Variants in GRM1 observed in about 807,000 individuals in gnomAD.
GRM1 encodes metabotropic glutamate receptor 1.
A neutral mutation model predicts 90.9 loss-of-function variants in GRM1; 33 were observed. That is an observed-to-expected ratio of 0.36 (90% CI 0.28 to 0.49). The LOEUF (loss-of-function observed/expected upper bound fraction) is 0.49, where lower values mean the gene tolerates loss of function less well. GRM1 is among the 20% of genes least tolerant of loss of function. The pLI is 0.99. For missense variants in GRM1, 1,190 were observed against 1,534.3 expected (o/e 0.78, Z 3.75); for synonymous variants, 700 against 613.2 (o/e 1.14, Z -2.09).
Position 146,434,712 on chromosome 6 carries a change from C to T in GRM1, c.3501C>T (p.Ser1167=), listed in dbSNP as rs746094718. The change falls in exon 8 of 8, where the codon TCC becomes TCT. Residue 1167 remains serine (S), a synonymous_variant. Transcript: ENST00000282753. Reference sequence around the variant, plus strand: ...GCTCGGTGCCCAGCTCCCCCGTGTCCGAGTCGGTGCTCTGCACCCCTCCCA... The same window carrying T: ...GCTCGGTGCCCAGCTCCCCCGTGTCTGAGTCGGTGCTCTGCACCCCTCCCA... ...SGSSVPSSPV[S]ESVLCTPPNV... is the part of the protein sequence containing the mutation. 7.5e-6 allele frequency: 12 copies of T among 1,602,396 alleles called. No homozygotes were observed. The highest frequency in any genetic ancestry group is 1.1e-5 in the South Asian group (1 of 91,080).
At chr6:146,328,990 G>A (rs911586655) in intron 3 of GRM1, among the ~76,000 whole-genome samples, 1 of 152,130 alleles carries the variant, frequency 6.6e-6, no homozygotes, top group Non-Finnish European at 1.5e-5. Context: ...GTAAGTAAAT[G>A]CCACTAGTGT....
At chr6:146,272,157 A>C (rs1317181190) in intron 2 of GRM1, among the ~76,000 whole-genome samples, 1 of 152,188 alleles carries the variant, frequency 6.6e-6, no homozygotes, top group Non-Finnish European at 1.5e-5. Flanking sequence ...TATTTTCTGT[A>C]ATTAGAAAAG....
At chr6:146,167,943 A>C (rs1777969257) in intron 2 of GRM1, among the ~76,000 whole-genome samples, 1 of 152,022 alleles carries the variant, frequency 6.6e-6, no homozygotes, top group Non-Finnish European at 1.5e-5. Flanking sequence ...TGTTCTATCA[A>C]AAATATTTTA....
At chr6:146,107,698 G>A (rs1364992413) in intron 1 of GRM1, among the ~76,000 whole-genome samples, 1 of 152,064 alleles carries the variant, frequency 6.6e-6, no homozygotes, top group African/African-American at 2.4e-5. Context: ...GGTAAGTTTG[G>A]GGAAAATGCA....
At chr6:146,304,589 C>A (rs1180677195) in intron 2 of GRM1, 22 bp from the exon 3 acceptor site, 1 of 1,487,590 alleles carries the variant, frequency 6.7e-7, no homozygotes, top group Admixed American at 1.7e-5. Context: ...TCTCTCCCTA[C>A]CCCAATCCCT....
intron 2 of GRM1, among the ~76,000 whole-genome samples, chr6:146,260,229 C>G (rs756250943): frequency 9.9e-5 from 15 of 151,890 alleles, no homozygotes; most frequent in Non-Finnish European, 2.1e-4. Context: ...TCAATTCCCA[C>G]TTATGAGTGA....
In GRM1 at chr6:146,388,443, T is replaced by A. The variant is rs1484205366; in HGVS notation, c.1729+1427T>A. Among the ~76,000 whole-genome samples the A allele has an allele frequency of 9.9e-5, 15 of 152,068 alleles. No individual in the cohort carries two copies. The East Asian group carries it at 2.7e-3, about 27-fold the overall frequency. On this transcript the variant is annotated intron_variant, in intron 6 of 7. Transcript: ENST00000282753. Reference sequence around the variant, plus strand: ...AATCATGCAGTTTATTCAGAGTACATAAAAAATGACTAGGTAAGTAGAACT... The same window carrying A: ...AATCATGCAGTTTATTCAGAGTACAAAAAAAATGACTAGGTAAGTAGAACT...
intron 2 of GRM1, among the ~76,000 whole-genome samples, chr6:146,222,001 C>G (rs527888239): frequency 6.6e-6 from 1 of 152,148 alleles, no homozygotes; most frequent in East Asian, 1.9e-4. Context: ...TCAGATTTGG[C>G]CCACAGACTC....
intron 2 of GRM1, among the ~76,000 whole-genome samples, chr6:146,195,511 C>G (rs1562522384): frequency 6.6e-6 from 1 of 152,036 alleles, no homozygotes; most frequent in Non-Finnish European, 1.5e-5. Flanking sequence ...TTCCTGCAGG[C>G]AAAGCCTCTT....
chr6:146,035,119 A>G (rs1790842159), intron 1 of GRM1, among the ~76,000 whole-genome samples: 1 of 151,958 alleles, frequency 6.6e-6, no homozygotes, highest in Non-Finnish European at 1.5e-5. Flanking sequence ...TGTAAAAGAG[A>G]CAGTATTGAA....
chr6:146,214,928 C>A (rs1007387339), intron 2 of GRM1, among the ~76,000 whole-genome samples: 1 of 152,116 alleles, frequency 6.6e-6, no homozygotes, highest in Non-Finnish European at 1.5e-5. Context: ...TGGGCTTTAA[C>A]GTAGAGTCTG....
intron 5 of GRM1, among the ~76,000 whole-genome samples, chr6:146,366,056 G>C (rs942443654): frequency 1.2e-4 from 19 of 152,078 alleles, no homozygotes; most frequent in African/African-American, 4.3e-4. Flanking sequence ...TCAAAGGTGG[G>C]GATAGTATGT....
intron 2 of GRM1, among the ~76,000 whole-genome samples, chr6:146,291,980 C>G (rs374916239): frequency 6.6e-6 from 1 of 152,036 alleles, no homozygotes; most frequent in East Asian, 1.9e-4. Flanking sequence ...AACATATAGT[C>G]AGGTGCAATA....
At chr6:146,343,249 T>C (rs1166155013) in intron 3 of GRM1, among the ~76,000 whole-genome samples, 2 of 152,188 alleles carry the variant, frequency 1.3e-5, no homozygotes, top group Non-Finnish European at 2.9e-5. Flanking sequence ...TTATCAGTGA[T>C]GATGTTAACA....
chr6:146,051,654 C>T (rs1775296558), intron 1 of GRM1, among the ~76,000 whole-genome samples: 1 of 152,058 alleles, frequency 6.6e-6, no homozygotes, highest in Non-Finnish European at 1.5e-5. Context: ...GGGGTCATGA[C>T]AGAGTAGTGC....
chr6:146,311,405 T>C (rs1783764705), intron 3 of GRM1, among the ~76,000 whole-genome samples: 1 of 152,254 alleles, frequency 6.6e-6, no homozygotes, highest in African/African-American at 2.4e-5. Flanking sequence ...GTTGGAAGAA[T>C]GAAAGTGAAC....
Position 146,173,334 on chromosome 6 carries a change from G to A in GRM1, c.950+13737G>A, listed in dbSNP as rs551414634. Among the ~76,000 whole-genome samples, 14 of 148,362 alleles carry A rather than the reference G, an allele frequency of 9.4e-5. No individual in the cohort carries two copies. The East Asian group carries it at 2.8e-3, about 29-fold the overall frequency. ...GAACCCGGAAGGCAGAGGTTGCAGT[G>A]AGCCGAGACTGCACCATTCCACTCA... On this transcript the variant is annotated intron_variant, in intron 2 of 7. Coordinates refer to ENST00000282753, the MANE Select transcript of GRM1 (RefSeq NM_001278064.2).
chr6:146,327,602 G>A (rs1237386644), intron 3 of GRM1, among the ~76,000 whole-genome samples: 3 of 152,262 alleles, frequency 2.0e-5, no homozygotes, highest in African/African-American at 4.8e-5. Flanking sequence ...AGCCAAGGTC[G>A]TAATGACTAA....
chr6:146,382,309 A>G (rs1334508239), intron 5 of GRM1, among the ~76,000 whole-genome samples: 1 of 119,678 alleles, frequency 8.4e-6, no homozygotes, highest in Non-Finnish European at 1.8e-5. Flanking sequence ...AAGAGATATA[A>G]GAACCTAAGA....
Sources: gnomAD v4.1 joint callset for allele counts (sites outside exome capture counted in the v4.1 genomes callset) on GRCh38, gnomAD v4.1.1 for gene constraint, MANE v1.5 for transcripts, NCBI Gene and HGNC (gene_info 2026-07-23, HGNC 2026-07-21) for gene names.